The following DGKH variants were observed in gnomAD, a reference collection of about 807,000 sequenced individuals.
The protein encoded by DGKH is diacylglycerol kinase eta.
Under a neutral mutation model 159.3 loss-of-function variants are expected in DGKH, and 90 were observed. The observed-to-expected ratio is 0.57, with a 90% CI of 0.48 to 0.67. The LOEUF is 0.67. DGKH is among the 30% of genes least tolerant of loss of function. DGKH has a pLI of 0.00. For synonymous variants in DGKH, 536 were observed against 553.8 expected (o/e 0.97, Z 0.45); for missense variants, 1,181 against 1,506.1 (o/e 0.78, Z 3.57).
intron 9 of DGKH, 131 bp from the exon 10 acceptor site, chr13:42,168,309 A>G (rs1168396557): frequency 1.4e-6 from 1 of 693,098 alleles, no homozygotes; most frequent in Non-Finnish European, 2.3e-6. Context: ...GTGAATGTTT[A>G]TGGTATAATT....
In DGKH at chr13:42,208,262, A is replaced by G. The variant is rs1396497406; in HGVS notation, c.2602-697A>G. On this transcript the variant is annotated intron_variant, in intron 21 of 29. Transcript: ENST00000337343. ...TTATACTGAAAATTGTTTCAGATGCATATTATTTATGATATAGTAAAAGAG... is the reference window on the plus strand; with the variant it reads ...TTATACTGAAAATTGTTTCAGATGCGTATTATTTATGATATAGTAAAAGAG... 4.6e-5 allele frequency among the ~76,000 whole-genome samples: 7 copies of G among 152,314 alleles called. No homozygotes were observed. The East Asian group carries it at 1.3e-3, about 29-fold the overall frequency.
intron 1 of DGKH, among the ~76,000 whole-genome samples, chr13:42,123,314 G>A (rs994373845): frequency 1.1e-4 from 17 of 151,978 alleles, no homozygotes; most frequent in African/African-American, 4.1e-4. Context: ...AAGCAATGTA[G>A]ACAGGAAATT....
chr13:42,144,397 G>T (rs1054421069), intron 3 of DGKH, among the ~76,000 whole-genome samples: 9 of 152,040 alleles, frequency 5.9e-5, no homozygotes, highest in African/African-American at 1.9e-4. Context: ...AAGGTAAGGG[G>T]TTCAGTGGGC....
intron 2 of DGKH, among the ~76,000 whole-genome samples, chr13:42,129,120 C>A (rs896169418): frequency 1.3e-5 from 2 of 152,224 alleles, no homozygotes; most frequent in African/African-American, 4.8e-5. Context: ...TCAGAAGGTT[C>A]AGTTACTTGT....
intron 1 of DGKH, among the ~76,000 whole-genome samples, chr13:42,054,210 A>C (rs1187856661): frequency 1.3e-5 from 2 of 152,270 alleles, no homozygotes; most frequent in African/African-American, 4.8e-5. Context: ...CATGGCCAGC[A>C]TTTAAAAGAG....
rs188664668 is a variant in DGKH, at chr13:42,227,030, C to T, written c.3574-2069C>T. The stretch of plus-strand genomic sequence containing the variant: ...CAGGAACAGAAAATCAAACACCACA[C>T]GTTCTTGTAAGTGGGAGCTAAACAA... On this transcript the variant is annotated intron_variant, in intron 29 of 29. Coordinates refer to ENST00000337343, the MANE Select transcript of DGKH (RefSeq NM_178009.5). 3.7e-3 allele frequency among the ~76,000 whole-genome samples: 558 copies of T among 152,210 alleles called. 2 individuals carry two copies. The highest frequency in any genetic ancestry group is 0.013 in the African/African-American group (537 of 41,524).
intron 7 of DGKH, among the ~76,000 whole-genome samples, chr13:42,162,830 C>CT (rs34901359): frequency 6.2e-4 from 84 of 135,772 alleles, no homozygotes; most frequent in South Asian, 1.2e-3. Flanking sequence ...ACATGAGTTT[C>CT]TTTTTTTTTT....
chr13:42,119,596 G>T (rs1004674380), intron 1 of DGKH, among the ~76,000 whole-genome samples: 1 of 152,090 alleles, frequency 6.6e-6, no homozygotes, highest in South Asian at 2.1e-4. Flanking sequence ...AAAGTTTTTA[G>T]CTCTTATCCC....
chr13:42,070,454 T>G, intron 1 of DGKH: 6 of 1,297,682 alleles, frequency 4.6e-6, no homozygotes, highest in Non-Finnish European at 5.6e-6. Flanking sequence ...AGCCCACATG[T>G]CAATGGCTTT....
intron 16 of DGKH, among the ~76,000 whole-genome samples, chr13:42,190,767 C>T (rs1957044579): frequency 6.6e-6 from 1 of 152,184 alleles, no homozygotes; most frequent in African/African-American, 2.4e-5. Context: ...TAACAATAAA[C>T]TAAGGATTAT....
At chr13:42,182,673 CA>C (rs1426305579) in intron 13 of DGKH, among the ~76,000 whole-genome samples, 3 of 152,114 alleles carry the variant, frequency 2.0e-5, no homozygotes, top group African/African-American at 7.2e-5. Context: ...CAAATGTTTT[CA>C]GACCATGGTT....
At chr13:42,173,682 A>G (rs898230355) in intron 11 of DGKH, among the ~76,000 whole-genome samples, 6 of 152,190 alleles carry the variant, frequency 3.9e-5, no homozygotes, top group African/African-American at 9.7e-5. Context: ...GTAAACTGCA[A>G]TGAGCATTAT....
intron 29 of DGKH, among the ~76,000 whole-genome samples, chr13:42,222,265 A>G (rs755191596): frequency 1.3e-5 from 2 of 152,220 alleles, no homozygotes; most frequent in Non-Finnish European, 2.9e-5. Context: ...ATGTAGACCA[A>G]GTTCTAAAAT....
chr13:42,061,359 A>G (rs1044871466), intron 1 of DGKH, among the ~76,000 whole-genome samples: 2 of 152,202 alleles, frequency 1.3e-5, no homozygotes, highest in African/African-American at 2.4e-5. Context: ...GCATTCACCT[A>G]TGCAAGCTCC....
intron 1 of DGKH, among the ~76,000 whole-genome samples, chr13:42,079,391 G>C (rs1954159089): frequency 6.6e-6 from 1 of 151,778 alleles, no homozygotes; most frequent in African/African-American, 2.4e-5. Flanking sequence ...GGGCTTTTAG[G>C]GTATACATCA....
In DGKH at chr13:42,127,374, A is replaced by T. The variant is rs968976659; in HGVS notation, c.193-89A>T. The T allele has an allele frequency of 3.4e-6, 3 of 894,892 alleles. No homozygotes were observed. The African/African-American group carries it at 5.1e-5, about 15-fold the overall frequency. The allele number at this position is 894,892 out of a possible 1,614,324, so 55.4% of individuals were successfully genotyped here. On this transcript the variant is annotated intron_variant, in intron 1 of 29. Transcript: ENST00000337343. ...TAAGACATGAGAAATATTATTCAAA[A>T]TGTTAATGAAAATGCACCATTGGCT...
chr13:42,074,832 C>T (rs1432566464), intron 1 of DGKH, among the ~76,000 whole-genome samples: 1 of 152,094 alleles, frequency 6.6e-6, no homozygotes, highest in African/African-American at 2.4e-5. Context: ...AGACATGCTT[C>T]TAATAAATGC....
chr13:42,159,159 C>T, intron 5 of DGKH, 107 bp from the exon 6 acceptor site: 1 of 606,158 alleles, frequency 1.6e-6, no homozygotes, highest in Non-Finnish European at 2.8e-6. Context: ...TTTTCTTCTA[C>T]TTCCTCCTTC....
chr13:42,234,921 G>C lies in DGKH; in HGVS notation c.*5733G>C, dbSNP rs1209109167. 2 of 152,084 alleles carry C rather than the reference G, an allele frequency of 1.3e-5. No individual in the cohort carries two copies. Among genetic ancestry groups the C allele is most frequent in the African/African-American group, 4.8e-5 (2 of 41,408 alleles). The allele number at this position is 152,084 out of a possible 1,614,324, so 9.4% of individuals were successfully genotyped here. ...GTAACTGCAACTTTTAAAACGTGATGATTATTGGTTTTTATAATACACAAA... is the reference window on the plus strand; with the variant it reads ...GTAACTGCAACTTTTAAAACGTGATCATTATTGGTTTTTATAATACACAAA... On this transcript the variant is annotated 3_prime_UTR_variant, in exon 30 of 30. Transcript: ENST00000337343.
Sources: gnomAD v4.1 joint callset for allele counts (sites outside exome capture counted in the v4.1 genomes callset) on GRCh38, gnomAD v4.1.1 for gene constraint, MANE v1.5 for transcripts, NCBI Gene and HGNC (gene_info 2026-07-23, HGNC 2026-07-21) for gene names.